SLIT3: variants seen among roughly 807,000 people sequenced by gnomAD.
SLIT3 encodes slit homolog 3 protein.
Under a neutral mutation model 184.0 loss-of-function variants are expected in SLIT3, and 68 were observed. That is an observed-to-expected ratio of 0.37 (90% CI 0.30 to 0.45). The LOEUF (loss-of-function observed/expected upper bound fraction) is 0.45. Ranked by LOEUF, SLIT3 falls within the 20% of genes least tolerant of loss-of-function variation. SLIT3 has a pLI of 1.00. For missense variants in SLIT3, 1,707 were observed against 2,026.0 expected (o/e 0.84, Z 3.02); for synonymous variants, 831 against 828.6 (o/e 1.00, Z -0.05).
At chr5:169,291,645 C>G (rs886983920) in intron 1 of SLIT3, among the ~76,000 whole-genome samples, 4 of 152,210 alleles carry the variant, frequency 2.6e-5, no homozygotes, top group African/African-American at 9.6e-5. Flanking sequence ...CATTGACATT[C>G]TTCTTGATGC....
At chr5:169,020,985 A>C (rs370691523) in intron 4 of SLIT3, among the ~76,000 whole-genome samples, 1 of 152,326 alleles carries the variant, frequency 6.6e-6, no homozygotes. Flanking sequence ...AGTCCTATAG[A>C]AGACTATGAA....
At chr5:169,260,154 T>TA (rs540605985) in intron 1 of SLIT3, among the ~76,000 whole-genome samples, 206 of 147,644 alleles carry the variant, frequency 1.4e-3, no homozygotes, top group African/African-American at 4.4e-3. Context: ...TAAACAACTT[T>TA]AAAAAAAAAA....
At chr5:169,158,088 A>C (rs1004328146) in intron 4 of SLIT3, among the ~76,000 whole-genome samples, 14 of 152,090 alleles carry the variant, frequency 9.2e-5, no homozygotes, top group Admixed American at 7.9e-4. Context: ...ACATTTCTAA[A>C]TTTGGAAAAA....
chr5:168,794,996 A>G (rs1756516297), intron 10 of SLIT3, among the ~76,000 whole-genome samples: 1 of 152,168 alleles, frequency 6.6e-6, no homozygotes, highest in Non-Finnish European at 1.5e-5. Context: ...CTCCCACTCG[A>G]ATGCAAGCTC....
intron 20 of SLIT3, among the ~76,000 whole-genome samples, chr5:168,744,939 G>C (rs779890922): frequency 2.0e-5 from 3 of 152,202 alleles, no homozygotes; most frequent in Non-Finnish European, 4.4e-5. Context: ...AATATATTTT[G>C]TAAGGCCATA....
intron 2 of SLIT3, among the ~76,000 whole-genome samples, chr5:169,247,480 G>A (rs1027606487): frequency 3.3e-5 from 5 of 152,084 alleles, no homozygotes; most frequent in Non-Finnish European, 5.9e-5. Flanking sequence ...CATTCCCTCT[G>A]GGTTTCTGAG....
intron 18 of SLIT3, among the ~76,000 whole-genome samples, chr5:168,752,095 AAAGGTCCC>A (rs1754738044): frequency 6.6e-6 from 1 of 152,156 alleles, no homozygotes; most frequent in African/African-American, 2.4e-5. Flanking sequence ...AGGTCTACTT[AAAGGTCCC>A]AGTCTTCCTA....
At chr5:169,292,998 G>A (rs546722665) in intron 1 of SLIT3, among the ~76,000 whole-genome samples, 1 of 152,240 alleles carries the variant, frequency 6.6e-6, no homozygotes, top group South Asian at 2.1e-4. Flanking sequence ...GTGAAGGCAT[G>A]GAAGGTCTCC....
At chr5:169,065,205 C>A (rs536629083) in intron 4 of SLIT3, among the ~76,000 whole-genome samples, 2 of 152,290 alleles carry the variant, frequency 1.3e-5, no homozygotes, top group East Asian at 3.9e-4. Context: ...AAGACCAGTG[C>A]CCTTTTCAAA....
intron 4 of SLIT3, among the ~76,000 whole-genome samples, chr5:168,924,089 G>A (rs1302228844): frequency 1.3e-5 from 2 of 152,190 alleles, no homozygotes; most frequent in African/African-American, 2.4e-5. Context: ...TCTGTACCCG[G>A]GTCCACAAGG....
At chr5:168,715,631 C>T (rs2113343338) in intron 23 of SLIT3, among the ~76,000 whole-genome samples, 1 of 152,306 alleles carries the variant, frequency 6.6e-6, no homozygotes, top group East Asian at 1.9e-4. Context: ...GAATGAAATC[C>T]ACTTAGGAAA....
intron 4 of SLIT3, among the ~76,000 whole-genome samples, chr5:169,039,302 T>G (rs1757366034): frequency 6.8e-6 from 1 of 147,676 alleles, no homozygotes; most frequent in Non-Finnish European, 1.5e-5. Flanking sequence ...CCGTAAGAGT[T>G]AAGTTTTTTT....
chr5:169,178,698 C>G (rs974144597), intron 4 of SLIT3, among the ~76,000 whole-genome samples: 2 of 152,104 alleles, frequency 1.3e-5, no homozygotes, highest in African/African-American at 4.8e-5. Flanking sequence ...TTCCTTCCTC[C>G]CCTTCTTCCA....
At chr5:169,165,809 A>G (rs897175939) in intron 4 of SLIT3, among the ~76,000 whole-genome samples, 4 of 152,214 alleles carry the variant, frequency 2.6e-5, no homozygotes, top group African/African-American at 9.7e-5. Context: ...TACCTTGTCT[A>G]TCAAGTGCAC....
At chr5:169,099,832 G>A (rs957153196) in intron 4 of SLIT3, among the ~76,000 whole-genome samples, 3 of 152,198 alleles carry the variant, frequency 2.0e-5, no homozygotes, top group Non-Finnish European at 4.4e-5. Context: ...CAAGAAGGCA[G>A]GCAATGTTGC....
intron 11 of SLIT3, among the ~76,000 whole-genome samples, 187 bp from the exon 12 acceptor site, chr5:168,786,165 C>T (rs1303803664): frequency 6.6e-6 from 1 of 152,162 alleles, no homozygotes; most frequent in African/African-American, 2.4e-5. Context: ...GCTGGAAGGG[C>T]AGGTTGTCTG....
intron 4 of SLIT3, among the ~76,000 whole-genome samples, chr5:169,020,931 T>C (rs1418524054): frequency 6.6e-6 from 1 of 152,208 alleles, no homozygotes; most frequent in African/African-American, 2.4e-5. Flanking sequence ...CTCCAGGAAA[T>C]CATTATTTCC....
intron 10 of SLIT3, among the ~76,000 whole-genome samples, chr5:168,794,846 T>A (rs1162954632): frequency 6.6e-6 from 1 of 152,212 alleles, no homozygotes; most frequent in Non-Finnish European, 1.5e-5. Context: ...CAGTCTTTCC[T>A]GAGAGCTCAG....
intron 5 of SLIT3, among the ~76,000 whole-genome samples, chr5:168,874,659 T>C (rs993551980): frequency 6.6e-6 from 1 of 152,224 alleles, no homozygotes; most frequent in Non-Finnish European, 1.5e-5. Context: ...TTGTCACCAA[T>C]GCAACTTCCA....
Sources: allele counts gnomAD v4.1 joint callset (sites outside exome capture counted in the v4.1 genomes callset), GRCh38; gene constraint gnomAD v4.1.1; transcripts MANE v1.5; gene names NCBI Gene and HGNC (gene_info 2026-07-23, HGNC 2026-07-21).